The following EYS variants were observed in gnomAD, a reference collection of about 807,000 sequenced individuals.
EYS encodes the protein EGF-like photoreceptor maintenance factor.
Under a neutral mutation model 282.1 loss-of-function variants are expected in EYS, and 250 were observed. The observed-to-expected ratio is 0.89, with a 90% CI of 0.80 to 0.98. The LOEUF is 0.98. Ranked by LOEUF, EYS falls within the 50% of genes least tolerant of loss-of-function variation. The pLI, the probability that EYS is intolerant of heterozygous loss-of-function variation, is 0.00. For missense variants in EYS, 4,016 were observed against 3,709.0 expected (o/e 1.08, Z -2.15); for synonymous variants, 1,355 against 1,282.9 (o/e 1.06, Z -1.20).
rs780456521 is a variant in EYS, at chr6:64,617,467, C to A, written c.3635G>T (p.Cys1212Phe). ...CIPNSCVHEL[C>F]MENEPGSTCL... ...TGTCGAGCCAGGTTCATTCTCCATGCAGAGTTCATGAACACATGAGTTGGG... is the reference window on the plus strand; with the variant it reads ...TGTCGAGCCAGGTTCATTCTCCATGAAGAGTTCATGAACACATGAGTTGGG... The change falls in exon 24 of 43, where the codon TGC (cysteine) becomes TTC (phenylalanine). Residue 1212 changes from cysteine (C) to phenylalanine (F), a missense_variant. Coordinates refer to ENST00000503581, the MANE Select transcript of EYS (RefSeq NM_001142800.2). 6.4e-7 allele frequency: 1 copy of A among 1,550,970 alleles called. No homozygotes were observed. Among genetic ancestry groups the A allele is most frequent in the South Asian group, 1.2e-5 (1 of 84,042 alleles).
chr6:64,193,398 C>A (rs956707130), intron 31 of EYS, among the ~76,000 whole-genome samples: 9 of 151,934 alleles, frequency 5.9e-5, no homozygotes, highest in African/African-American at 2.2e-4. Flanking sequence ...ACAAGCTCTG[C>A]CTCCTGGGTT....
chr6:65,573,842 A>G (rs1355474783), intron 2 of EYS, among the ~76,000 whole-genome samples: 1 of 152,082 alleles, frequency 6.6e-6, no homozygotes, highest in Admixed American at 6.6e-5. Flanking sequence ...CAACTATTTC[A>G]TGAGTATACT....
intron 4 of EYS, among the ~76,000 whole-genome samples, chr6:65,491,039 A>G (rs984349768): frequency 1.3e-5 from 2 of 152,120 alleles, no homozygotes; most frequent in Non-Finnish European, 2.9e-5. Context: ...GTTTTTCAAC[A>G]TACATTGATA....
intron 36 of EYS, among the ~76,000 whole-genome samples, chr6:63,824,898 GC>G (rs1771417390): frequency 6.6e-6 from 1 of 152,192 alleles, no homozygotes; most frequent in African/African-American, 2.4e-5. Flanking sequence ...CAGGCGAGAA[GC>G]CTCCTGGCCA....
intron 37 of EYS, among the ~76,000 whole-genome samples, chr6:63,791,766 G>A (rs1770520634): frequency 6.6e-6 from 1 of 152,122 alleles, no homozygotes; most frequent in Admixed American, 6.5e-5. Context: ...TTGAATAAGA[G>A]AAGTGTATTA....
At chr6:64,738,566 A>C (rs1288713219) in intron 22 of EYS, among the ~76,000 whole-genome samples, 1 of 152,200 alleles carries the variant, frequency 6.6e-6, no homozygotes, top group Non-Finnish European at 1.5e-5. Flanking sequence ...AATTTTGGTG[A>C]TGCTACTTTC....
intron 14 of EYS, among the ~76,000 whole-genome samples, chr6:64,975,700 G>A (rs78683439): frequency 0.041 from 6,287 of 151,716 alleles, 147 homozygotes; most frequent in South Asian, 0.087. Context: ...AACTTTTGCT[G>A]GAAAAGCTGA....
At chr6:64,480,042 C>A (rs1373955164) in intron 26 of EYS, among the ~76,000 whole-genome samples, 29 of 151,854 alleles carry the variant, frequency 1.9e-4, no homozygotes, top group Non-Finnish European at 1.5e-5. Flanking sequence ...CACATATACA[C>A]ATGCGGAAAT....
At chr6:64,148,910 A>T (rs889338462) in intron 31 of EYS, among the ~76,000 whole-genome samples, 1 of 152,178 alleles carries the variant, frequency 6.6e-6, no homozygotes, top group Non-Finnish European at 1.5e-5. Flanking sequence ...ATTTGATGAA[A>T]AAACCCAGGA....
intron 12 of EYS, among the ~76,000 whole-genome samples, chr6:65,237,568 C>CTCAA (rs3036036): frequency 0.026 from 3,941 of 152,082 alleles, 161 homozygotes; most frequent in African/African-American, 0.09. Flanking sequence ...AAGACCCTGT[C>CTCAA]TCAATCAATC....
intron 22 of EYS, among the ~76,000 whole-genome samples, chr6:64,713,786 T>C (rs1771286869): frequency 6.6e-6 from 1 of 152,178 alleles, no homozygotes; most frequent in South Asian, 2.1e-4. Context: ...ATGTTTTCTG[T>C]GAAATTTCTT....
At chr6:63,779,882 T>C (rs1329039722) in intron 39 of EYS, among the ~76,000 whole-genome samples, 1 of 152,120 alleles carries the variant, frequency 6.6e-6, no homozygotes, top group South Asian at 2.1e-4. Flanking sequence ...TTCCTCCTGA[T>C]GCTATCCCTC....
chr6:64,351,796 C>G (rs976292346), intron 29 of EYS, among the ~76,000 whole-genome samples: 1 of 151,400 alleles, frequency 6.6e-6, no homozygotes, highest in Non-Finnish European at 1.5e-5. Context: ...TATTACCACA[C>G]TCTATTAAAA....
intron 37 of EYS, among the ~76,000 whole-genome samples, chr6:63,801,839 T>C (rs904377260): frequency 6.6e-6 from 1 of 152,204 alleles, no homozygotes; most frequent in Non-Finnish European, 1.5e-5. Flanking sequence ...CAGAGAAGAC[T>C]ATCATCAGTG....
intron 14 of EYS, among the ~76,000 whole-genome samples, chr6:64,993,087 G>A (rs1583371169): frequency 6.6e-6 from 1 of 151,628 alleles, no homozygotes. Context: ...TAGGAGCCAA[G>A]ATGAACTGTA....
At position 63,721,053 on chromosome 6, in the gene EYS, CCTT is replaced by C. The variant is rs1768363936; in HGVS notation, c.8975_8977del (p.Glu2992del). On this transcript the variant is annotated inframe_deletion, in exon 43 of 43. Transcript: ENST00000503581. ...AGCTATTCCCATCCATACAATTAGA[CCTT>C]CTGTTTTAGTGGTACTGAAATTTAA... The C allele has an allele frequency of 6.4e-7, 1 of 1,551,284 alleles. No individual in the cohort carries two copies. The highest frequency in any genetic ancestry group is 8.7e-7 in the Non-Finnish European group (1 of 1,146,792).
intron 41 of EYS, among the ~76,000 whole-genome samples, chr6:63,737,628 T>G (rs966194771): frequency 6.6e-6 from 1 of 152,202 alleles, no homozygotes. Context: ...GGATTCCCTC[T>G]TTTTCTATTG....
chr6:63,760,548 A>T (rs1282505778), intron 41 of EYS, among the ~76,000 whole-genome samples: 5 of 151,918 alleles, frequency 3.3e-5, no homozygotes. Flanking sequence ...GATGTCACCC[A>T]TTTTCTGGCA....
intron 33 of EYS, among the ~76,000 whole-genome samples, chr6:64,005,325 T>A (rs1768293585): frequency 6.6e-6 from 1 of 152,190 alleles, no homozygotes; most frequent in Non-Finnish European, 1.5e-5. Context: ...AGGTTTTTTG[T>A]TTTTTGCTTG....
Sources: allele counts gnomAD v4.1 joint callset (sites outside exome capture counted in the v4.1 genomes callset), GRCh38; gene constraint gnomAD v4.1.1; transcripts MANE v1.5; gene names NCBI Gene and HGNC (gene_info 2026-07-23, HGNC 2026-07-21).